Variants in GRIA1 observed in about 807,000 individuals in gnomAD.
The protein encoded by GRIA1 is glutamate receptor 1.
In GRIA1, 31 loss-of-function variants were observed where a neutral mutation model predicts 99.2. That is an observed-to-expected ratio of 0.31 (90% CI 0.23 to 0.42). GRIA1 has a LOEUF of 0.42. Among genes scored for constraint, GRIA1 ranks in the 10% least tolerant of loss-of-function variants. The pLI is 1.00. For missense variants in GRIA1, 782 were observed against 1,157.5 expected, an observed-to-expected ratio of 0.68 and a Z score of 4.71; for synonymous variants, 438 against 432.4, an observed-to-expected ratio of 1.01 and a Z score of -0.16.
intron 2 of GRIA1, among the ~76,000 whole-genome samples, chr5:153,539,298 C>T (rs1353086): frequency 9.2e-5 from 14 of 152,114 alleles, no homozygotes; most frequent in South Asian, 2.1e-4. Context: ...TAGCCATATG[C>T]CATTGCATTC....
At chr5:153,654,579 A>G (rs947228182) in intron 4 of GRIA1, among the ~76,000 whole-genome samples, 1 of 152,190 alleles carries the variant, frequency 6.6e-6, no homozygotes, top group African/African-American at 2.4e-5. Context: ...GAATTTCACA[A>G]TCTAACCACT....
chr5:153,670,833 G>T (rs1355676754), intron 5 of GRIA1, among the ~76,000 whole-genome samples: 1 of 152,112 alleles, frequency 6.6e-6, no homozygotes, highest in East Asian at 1.9e-4. Context: ...CAAGAACACA[G>T]TTGTGCAGGT....
intron 11 of GRIA1, among the ~76,000 whole-genome samples, chr5:153,754,880 GA>G (rs1762727247): frequency 2.0e-5 from 3 of 152,122 alleles, no homozygotes; most frequent in Admixed American, 2.0e-4. Context: ...TGGTGTAAGG[GA>G]AAAAAGACAA....
At chr5:153,569,806 G>A (rs550701826) in intron 2 of GRIA1, among the ~76,000 whole-genome samples, 3 of 152,124 alleles carry the variant, frequency 2.0e-5, no homozygotes, top group East Asian at 1.9e-4. Flanking sequence ...TAGCTCTTAC[G>A]GACCTCATAA....
Position 153,705,712 on chromosome 5 carries a change from G to A in GRIA1, c.1468G>A (p.Val490Met). 1 of 773,850 alleles carries A rather than the reference G, an allele frequency of 1.3e-6. No individual in the cohort carries two copies. The highest frequency in any genetic ancestry group is 2.0e-6 in the Non-Finnish European group (1 of 500,604). The allele number at this position is 773,850 out of a possible 1,614,324, so 47.9% of individuals were successfully genotyped here. The change falls in exon 11 of 16, where the codon GTG (valine) becomes ATG (methionine). Residue 490 changes from valine (V) to methionine (M), a missense_variant. Transcript: ENST00000285900. ...TTTTTTTCAGAGAGCAGATGTGGCT[G>A]TGGCTCCCTTAACTATCACTTTGGT... ...ELVYGRADVA[V>M]APLTITLVRE...
intron 2 of GRIA1, among the ~76,000 whole-genome samples, chr5:153,614,855 T>C (rs1346602064): frequency 1.3e-5 from 2 of 152,052 alleles, no homozygotes; most frequent in African/African-American, 2.4e-5. Context: ...TGAAGTGAAG[T>C]GGAAATTATT....
At chr5:153,738,719 TC>T (rs1761561574) in intron 11 of GRIA1, among the ~76,000 whole-genome samples, 2 of 127,630 alleles carry the variant, frequency 1.6e-5, no homozygotes, top group African/African-American at 3.1e-5. Context: ...CTCCATACCT[TC>T]TTTTTTTTTT....
intron 5 of GRIA1, among the ~76,000 whole-genome samples, chr5:153,669,200 T>A (rs1297280562): frequency 1.3e-5 from 2 of 152,216 alleles, no homozygotes; most frequent in East Asian, 3.8e-4. Context: ...TTTAACAGAA[T>A]GCCTGACTCA....
chr5:153,677,072 A>G lies in GRIA1; in HGVS notation c.940A>G (p.Ile314Val). The G allele has an allele frequency of 1.3e-6, 2 of 1,585,762 alleles. No individual in the cohort carries two copies. Residue 314 changes from isoleucine (I) to valine (V), a missense_variant, in exon 7 of 16, where the codon ATA (isoleucine) becomes GTA (valine). Physicochemically the swap from Ile to Val is conservative, Grantham distance 29. Coordinates refer to ENST00000285900, the MANE Select transcript of GRIA1 (RefSeq NM_000827.4). ...GAGCCTGCGGAGGCAGAGAATTGAT[A>G]TATCTCGCCGGGGGAATGCTGGGGA... is the stretch of plus-strand genomic sequence containing the variant. ...FQSLRRQRID[I>V]SRRGNAGDCL...
At chr5:153,596,072 G>C (rs1304902214) in intron 2 of GRIA1, among the ~76,000 whole-genome samples, 1 of 151,544 alleles carries the variant, frequency 6.6e-6, no homozygotes, top group Non-Finnish European at 1.5e-5. Context: ...AGCAAATTAT[G>C]TCATTTTCAT....
intron 12 of GRIA1, among the ~76,000 whole-genome samples, chr5:153,769,402 G>T (rs561066381): frequency 2.6e-4 from 40 of 152,160 alleles, no homozygotes; most frequent in African/African-American, 9.6e-4. Context: ...AACTGAGGTG[G>T]ACTCCAAATA....
intron 11 of GRIA1, among the ~76,000 whole-genome samples, chr5:153,750,932 A>G (rs909021958): frequency 3.9e-5 from 6 of 152,082 alleles, no homozygotes; most frequent in Non-Finnish European, 8.8e-5. Flanking sequence ...CCCCGTCTCT[A>G]CTAAAAGTAC....
At chr5:153,520,870 T>A (rs1202762286) in intron 2 of GRIA1, among the ~76,000 whole-genome samples, 1 of 152,230 alleles carries the variant, frequency 6.6e-6, no homozygotes, top group African/African-American at 2.4e-5. Context: ...ACTGGCTTAT[T>A]TCATTTAATC....
intron 2 of GRIA1, among the ~76,000 whole-genome samples, chr5:153,619,898 A>G (rs1209543306): frequency 6.6e-6 from 1 of 152,154 alleles, no homozygotes. Context: ...CCTTGAGGAC[A>G]ATATTTCCCC....
At chr5:153,770,608 G>A (rs891830121) in intron 13 of GRIA1, among the ~76,000 whole-genome samples, 193 bp downstream of exon 13, 2 of 152,236 alleles carry the variant, frequency 1.3e-5, no homozygotes, top group East Asian at 3.9e-4. Context: ...TGACCTGGGG[G>A]CCTCAGCTTG....
At chr5:153,662,694 C>G (rs960922355) in intron 5 of GRIA1, among the ~76,000 whole-genome samples, 1 of 152,126 alleles carries the variant, frequency 6.6e-6, no homozygotes, top group Non-Finnish European at 1.5e-5. Context: ...CTGAATTCAC[C>G]CAGAAGTTAA....
chr5:153,688,646 A>G (rs74903310), intron 8 of GRIA1, among the ~76,000 whole-genome samples: 11,496 of 152,150 alleles, frequency 0.076, 472 homozygotes, highest in Middle Eastern at 0.13. Context: ...TTTAGCAGCT[A>G]CTGTTAAGAG....
At chr5:153,584,462 G>C (rs888787133) in intron 2 of GRIA1, among the ~76,000 whole-genome samples, 1 of 152,172 alleles carries the variant, frequency 6.6e-6, no homozygotes, top group African/African-American at 2.4e-5. Flanking sequence ...CTGGAAGTCT[G>C]CACAATCTGT....
chr5:153,680,794 A>C (rs1033803404), intron 7 of GRIA1, among the ~76,000 whole-genome samples: 5 of 152,362 alleles, frequency 3.3e-5, no homozygotes, highest in Admixed American at 2.0e-4. Flanking sequence ...TGATCAGAGC[A>C]GAATGCCATC....
Sources: allele counts gnomAD v4.1 joint callset (sites outside exome capture counted in the v4.1 genomes callset), GRCh38; gene constraint gnomAD v4.1.1; transcripts MANE v1.5; gene names NCBI Gene and HGNC (gene_info 2026-07-23, HGNC 2026-07-21).